SLC9A8: variants seen among roughly 807,000 people sequenced by gnomAD.
SLC9A8 encodes the protein sodium/hydrogen exchanger 8.
Under a neutral mutation model 66.6 loss-of-function variants are expected in SLC9A8, and 48 were observed. The observed-to-expected ratio is 0.72, with a 90% CI of 0.57 to 0.92. The LOEUF (loss-of-function observed/expected upper bound fraction) is 0.92, where lower values mean the gene tolerates loss of function less well. Among genes scored for constraint, SLC9A8 ranks in the 40% least tolerant of loss-of-function variants. The pLI is 0.00. For missense variants in SLC9A8, 599 were observed against 747.3 expected (o/e 0.80, Z 2.31); for synonymous variants, 274 against 282.6 (o/e 0.97, Z 0.31).
chr20:49,837,130 A>G (rs1325322742), intron 3 of SLC9A8, among the ~76,000 whole-genome samples: 2 of 152,218 alleles, frequency 1.3e-5, no homozygotes, highest in African/African-American at 2.4e-5. Flanking sequence ...CAGAAACTCA[A>G]AAGAATGAAA....
intron 11 of SLC9A8, among the ~76,000 whole-genome samples, chr20:49,876,976 T>C (rs1477291183): frequency 6.6e-6 from 1 of 152,108 alleles, no homozygotes; most frequent in Non-Finnish European, 1.5e-5. Flanking sequence ...CCTTGCTGTT[T>C]GTGATCAACT....
chr20:49,867,803 T>C (rs1278463935), intron 10 of SLC9A8, among the ~76,000 whole-genome samples: 1 of 152,228 alleles, frequency 6.6e-6, no homozygotes, highest in Non-Finnish European at 1.5e-5. Flanking sequence ...AGCAGGACAG[T>C]GTTCTGTGTA....
intron 2 of SLC9A8, among the ~76,000 whole-genome samples, chr20:49,817,108 G>T (rs1480704734): frequency 6.6e-6 from 1 of 151,254 alleles, no homozygotes; most frequent in Non-Finnish European, 1.5e-5. Flanking sequence ...CTAAGGTCAG[G>T]AGTTCGAGAC....
At chr20:49,818,119 T>C (rs2086621574) in intron 2 of SLC9A8, among the ~76,000 whole-genome samples, 1 of 152,166 alleles carries the variant, frequency 6.6e-6, no homozygotes, top group African/African-American at 2.4e-5. Context: ...CGTGGAGCAT[T>C]TAAGATTAGC....
Position 49,870,566 on chromosome 20 carries a change from C to T in SLC9A8, c.959-4139C>T, listed in dbSNP as rs529076082. 5.9e-5 allele frequency among the ~76,000 whole-genome samples: 9 copies of T among 152,298 alleles called. No individual in the cohort carries two copies. In the East Asian group the frequency reaches 1.7e-3, roughly 29 times the overall value. Reference sequence around the variant, plus strand: ...CCAGGACGCTGCCTCACAGGTTCTGCAGGCCTGAGAAGGAGCTGGGTTTCT... The same window carrying T: ...CCAGGACGCTGCCTCACAGGTTCTGTAGGCCTGAGAAGGAGCTGGGTTTCT... On this transcript the variant is annotated intron_variant, in intron 10 of 15. Coordinates refer to ENST00000361573, the MANE Select transcript of SLC9A8 (RefSeq NM_015266.3).
intron 11 of SLC9A8, among the ~76,000 whole-genome samples, chr20:49,875,288 A>AAAAG (rs1049174435): frequency 6.6e-6 from 1 of 151,872 alleles, no homozygotes; most frequent in African/African-American, 2.4e-5. Context: ...AAAAAAAAAA[A>AAAAG]AAAGAAAGAA....
intron 15 of SLC9A8, 96 bp from the exon 16 acceptor site, chr20:49,887,733 C>A: frequency 1.1e-6 from 1 of 916,612 alleles, no homozygotes; most frequent in Non-Finnish European, 1.7e-6. Flanking sequence ...CCCACCTCCT[C>A]CCTAGACACC....
intron 7 of SLC9A8, among the ~76,000 whole-genome samples, chr20:49,852,833 C>G (rs1039725383): frequency 1.3e-5 from 2 of 150,170 alleles, no homozygotes; most frequent in Non-Finnish European, 2.9e-5. Context: ...AGCATTTCCC[C>G]CAGCCTTTTG....
At chr20:49,862,786 C>T (rs2088799939) in intron 8 of SLC9A8, 143 bp from the exon 9 acceptor site, 2 of 736,888 alleles carry the variant, frequency 2.7e-6, no homozygotes, top group Admixed American at 5.7e-5. Flanking sequence ...AGTAGGTGAA[C>T]AATAAACGTT....
rs1424224638 is a variant in SLC9A8, at chr20:49,886,152, G to T, written c.1492-600G>T. Among the ~76,000 whole-genome samples the T allele has an allele frequency of 6.8e-6, 1 of 146,384 alleles. No individual in the cohort carries two copies. Among genetic ancestry groups the T allele is most frequent in the Non-Finnish European group, 1.5e-5 (1 of 67,454 alleles). ...GTGAAGCTGCAGAGCACACTTCACT[G>T]TGGCCCCACTGAGACTCCTCCAGCA... On this transcript the variant is annotated intron_variant, in intron 14 of 15. Coordinates refer to ENST00000361573, the MANE Select transcript of SLC9A8 (RefSeq NM_015266.3). This position sits in a 1 kb window ranked among gnomAD's most constrained non-coding sequence, Gnocchi z 4.8.
chr20:49,826,878 GTTTAA>G (rs747733309), intron 3 of SLC9A8, among the ~76,000 whole-genome samples: 6 of 151,892 alleles, frequency 4.0e-5, no homozygotes, highest in Admixed American at 6.6e-5. Flanking sequence ...CCTTTGTATA[GTTTAA>G]TTTGAGTTTA....
At chr20:49,844,198 C>T (rs191829232) in intron 4 of SLC9A8, among the ~76,000 whole-genome samples, 1 of 152,102 alleles carries the variant, frequency 6.6e-6, no homozygotes, top group Non-Finnish European at 1.5e-5. Context: ...AAAGAGCATC[C>T]AGTGTGGACT....
intron 12 of SLC9A8, among the ~76,000 whole-genome samples, chr20:49,878,525 A>G (rs2146739558): frequency 6.6e-6 from 1 of 152,324 alleles, no homozygotes. Context: ...TGGATAATTT[A>G]TTATGTACTT....
intron 3 of SLC9A8, among the ~76,000 whole-genome samples, chr20:49,832,743 A>G (rs774302565): frequency 6.6e-6 from 1 of 151,926 alleles, no homozygotes; most frequent in African/African-American, 2.4e-5. Flanking sequence ...CTGTTTGAAC[A>G]CAAAGCCTGT....
intron 5 of SLC9A8, among the ~76,000 whole-genome samples, chr20:49,847,078 A>G (rs1471468416): frequency 1.3e-5 from 2 of 152,222 alleles, no homozygotes; most frequent in Admixed American, 1.3e-4. Context: ...ACAAAAGCAT[A>G]TTAAGATGTT....
intron 13 of SLC9A8, among the ~76,000 whole-genome samples, chr20:49,882,256 G>A (rs6020102): frequency 0.023 from 3,546 of 152,194 alleles, 149 homozygotes; most frequent in African/African-American, 0.082. Flanking sequence ...CTTCTTCACC[G>A]CCTGTCCACG....
chr20:49,871,760 T>A (rs2089215083), intron 10 of SLC9A8, among the ~76,000 whole-genome samples: 1 of 152,218 alleles, frequency 6.6e-6, no homozygotes, highest in Non-Finnish European at 1.5e-5. Flanking sequence ...ATTGTCCAGA[T>A]GGCCCAGTGC....
At chr20:49,885,446 C>G (rs971360593) in intron 14 of SLC9A8, among the ~76,000 whole-genome samples, 7 of 152,226 alleles carry the variant, frequency 4.6e-5, no homozygotes, top group Non-Finnish European at 1.0e-4. Flanking sequence ...CCACCTCAGC[C>G]TCTGGAGTAG....
In SLC9A8 at chr20:49,845,636, A is replaced by G. The variant is rs181619382; in HGVS notation, c.432+517A>G. ...TATTCCCCTTCATCCCTCAACCTCT[A>G]TCGCTCCTCGCCCACTCCCTGGTCC... On this transcript the variant is annotated intron_variant, in intron 5 of 15. Transcript: ENST00000361573. Among the ~76,000 whole-genome samples, 77 of 150,978 alleles carry G rather than the reference A, an allele frequency of 5.1e-4. 1 individual carries two copies. The highest frequency in any genetic ancestry group is 1.5e-3 in the African/African-American group (60 of 41,096).
Sources: gnomAD v4.1 joint callset for allele counts (sites outside exome capture counted in the v4.1 genomes callset) on GRCh38, gnomAD v4.1.1 for gene constraint, Gnocchi (gnomAD v3.1) non-coding constraint, MANE v1.5 for transcripts, NCBI Gene and HGNC (gene_info 2026-07-23, HGNC 2026-07-21) for gene names.